CNTNAP2: variants seen among roughly 807,000 people sequenced by gnomAD.
The protein encoded by CNTNAP2 is contactin-associated protein-like 2.
Under a neutral mutation model 155.2 loss-of-function variants are expected in CNTNAP2, and 98 were observed. The observed-to-expected ratio is 0.63, with a 90% confidence interval of 0.54 to 0.75. The LOEUF (loss-of-function observed/expected upper bound fraction) is 0.75. Among genes scored for constraint, CNTNAP2 ranks in the 30% least tolerant of loss-of-function variants. The probability of loss-of-function intolerance (pLI) is 0.00; values close to 1 mark genes in which losing one functional copy is unlikely to be tolerated. For synonymous variants in CNTNAP2, 651 were observed against 631.2 expected (o/e 1.03, Z -0.47); for missense variants, 1,727 against 1,688.1 (o/e 1.02, Z -0.40).
intron 11 of CNTNAP2, among the ~76,000 whole-genome samples, chr7:147,559,443 G>A (rs911050952): frequency 2.0e-5 from 3 of 152,180 alleles, no homozygotes; most frequent in African/African-American, 7.2e-5. Context: ...TAACATAAAA[G>A]TGATGTTTCA....
chr7:146,839,788 A>G lies in CNTNAP2; in HGVS notation c.286A>G (p.Ser96Gly), dbSNP rs540745201. 1.5e-4 allele frequency: 244 copies of G among 1,614,204 alleles called. 3 individuals carry two copies. The South Asian group carries it at 2.5e-3, about 17-fold the overall frequency. Reference sequence around the variant, plus strand: ...TGACTTTGGCAATCGGAAGCAGATCAGTGCCATTGCAACCCAAGGAAGGTA... The same window carrying G: ...TGACTTTGGCAATCGGAAGCAGATCGGTGCCATTGCAACCCAAGGAAGGTA... ...QVDFGNRKQI[S>G]AIATQGRYSS... The change falls in exon 3 of 24, where the codon AGT becomes GGT. Residue 96 changes from serine (S) to glycine (G), a missense_variant. Coordinates refer to ENST00000361727, the MANE Select transcript of CNTNAP2 (RefSeq NM_014141.6).
chr7:148,140,421 C>CTTTT (rs750371666), intron 16 of CNTNAP2, among the ~76,000 whole-genome samples: 6 of 135,404 alleles, frequency 4.4e-5, no homozygotes, highest in African/African-American at 1.6e-4. Flanking sequence ...TTTTCTTTTT[C>CTTTT]TTTTTTTTTT....
At chr7:146,332,941 A>ATTTTTTTTTTTTTTTTTTTTTTTTTTTT (rs4016094) in intron 1 of CNTNAP2, among the ~76,000 whole-genome samples, 1 of 102,456 alleles carries the variant, frequency 9.8e-6, no homozygotes, top group African/African-American at 3.6e-5. Flanking sequence ...TTCTTCTTCT[A>ATTTTTTTTTTTTTTTTTTTTTTTTTTTT]TTTTTTTTTT....
intron 4 of CNTNAP2, among the ~76,000 whole-genome samples, chr7:147,047,255 A>C (rs543854752): frequency 1.4e-3 from 199 of 143,144 alleles, no homozygotes; most frequent in Non-Finnish European, 2.5e-3. Context: ...ACTACAGGTG[A>C]CCACCACCAC....
intron 2 of CNTNAP2, among the ~76,000 whole-genome samples, chr7:146,816,529 G>C (rs539375862): frequency 6.6e-6 from 1 of 152,182 alleles, no homozygotes; most frequent in African/African-American, 2.4e-5. Flanking sequence ...ACTGTAAAAT[G>C]TAATAGGAGT....
In CNTNAP2 at chr7:148,377,949, G is replaced by A. The variant is rs1196282972; in HGVS notation, c.3476-5700G>A. On this transcript the variant is annotated intron_variant, in intron 21 of 23. Transcript: ENST00000361727. Reference sequence around the variant, plus strand: ...TACTGAACTGTAGACTAATGTAAGTGTTCTGAGTATGTTTAAGGTAGGCTG... The same window carrying A: ...TACTGAACTGTAGACTAATGTAAGTATTCTGAGTATGTTTAAGGTAGGCTG... Among the ~76,000 whole-genome samples the A allele has an allele frequency of 7.3e-5, 5 of 68,378 alleles. 1 individual carries two copies. The highest frequency in any genetic ancestry group is 1.8e-4 in the African/African-American group (5 of 27,966). 44.9% of individuals were successfully genotyped at this position (68,378 alleles called of 152,430 possible).
intron 22 of CNTNAP2, among the ~76,000 whole-genome samples, chr7:148,393,411 C>T (rs1418749557): frequency 1.3e-5 from 2 of 152,186 alleles, no homozygotes; most frequent in Non-Finnish European, 2.9e-5. Context: ...TGTGCATTTT[C>T]CTGCAAAGAT....
chr7:147,821,307 G>T (rs1294494113), intron 13 of CNTNAP2, among the ~76,000 whole-genome samples: 1 of 152,002 alleles, frequency 6.6e-6, no homozygotes, highest in Admixed American at 6.6e-5. Flanking sequence ...ATGTTTTCTA[G>T]GTCCCATTAG....
At chr7:148,402,157 C>T (rs1799598983) in intron 22 of CNTNAP2, among the ~76,000 whole-genome samples, 1 of 146,406 alleles carries the variant, frequency 6.8e-6, no homozygotes, top group Non-Finnish European at 1.5e-5. Context: ...TCTCTTCACT[C>T]GACCTCTTTT....
chr7:146,293,180 T>A (rs1247539244), intron 1 of CNTNAP2, among the ~76,000 whole-genome samples: 1 of 152,074 alleles, frequency 6.6e-6, no homozygotes, highest in Non-Finnish European at 1.5e-5. Flanking sequence ...AATGAAACAG[T>A]GAAAAGTCTT....
intron 21 of CNTNAP2, among the ~76,000 whole-genome samples, chr7:148,275,172 A>T (rs954550714): frequency 4.6e-5 from 7 of 152,210 alleles, no homozygotes; most frequent in African/African-American, 1.7e-4. Context: ...AAGATAGGGG[A>T]TCATACAATG....
At chr7:146,352,328 A>G (rs1300940341) in intron 1 of CNTNAP2, among the ~76,000 whole-genome samples, 1 of 152,190 alleles carries the variant, frequency 6.6e-6, no homozygotes, top group African/African-American at 2.4e-5. Context: ...ATAGTCTTAG[A>G]TGGATCTTGC....
chr7:146,996,859 G>C (rs773562899), intron 3 of CNTNAP2, among the ~76,000 whole-genome samples: 12 of 152,044 alleles, frequency 7.9e-5, no homozygotes, highest in Non-Finnish European at 1.3e-4. Context: ...CCCGTGGGGA[G>C]ATAACGGAAT....
At position 147,211,205 on chromosome 7, in the gene CNTNAP2, C is replaced by T. The variant is rs140678383; in HGVS notation, c.1348+78696C>T. ...TTTCTTAGTTTTATTCCCTGATGATCTGTCTAATGCTGTCAGTGGGGTGTT... is the reference window on the plus strand; with the variant it reads ...TTTCTTAGTTTTATTCCCTGATGATTTGTCTAATGCTGTCAGTGGGGTGTT... On this transcript the variant is annotated intron_variant, in intron 8 of 23. Transcript: ENST00000361727. 5.3e-4 allele frequency among the ~76,000 whole-genome samples: 80 copies of T among 152,076 alleles called. No individual in the cohort carries two copies. In the East Asian group the frequency reaches 0.015, roughly 28 times the overall value.
chr7:147,177,925 T>A (rs1410161624), intron 8 of CNTNAP2, among the ~76,000 whole-genome samples: 3 of 152,084 alleles, frequency 2.0e-5, no homozygotes, highest in Non-Finnish European at 4.4e-5. Context: ...AAATTGAAAA[T>A]ACCTTACGTC....
chr7:146,773,874 T>A (rs1318525635), intron 1 of CNTNAP2, among the ~76,000 whole-genome samples: 1 of 152,154 alleles, frequency 6.6e-6, no homozygotes, highest in Non-Finnish European at 1.5e-5. Context: ...TTGGTAGGAG[T>A]CCTCTTTGTC....
chr7:146,159,136 A>C (rs954063966), intron 1 of CNTNAP2, among the ~76,000 whole-genome samples: 1 of 152,174 alleles, frequency 6.6e-6, no homozygotes, highest in African/African-American at 2.4e-5. Flanking sequence ...TATCCAGCCA[A>C]ACTAAGCTTC....
At chr7:146,936,373 T>A (rs1796914174) in intron 3 of CNTNAP2, among the ~76,000 whole-genome samples, 1 of 152,138 alleles carries the variant, frequency 6.6e-6, no homozygotes, top group Non-Finnish European at 1.5e-5. Flanking sequence ...GACGTTTCTG[T>A]ATAAGGAGGT....
At chr7:147,660,692 G>A (rs1318274868) in intron 13 of CNTNAP2, among the ~76,000 whole-genome samples, 1 of 152,128 alleles carries the variant, frequency 6.6e-6, no homozygotes. Flanking sequence ...TAACTTCTAT[G>A]AGAGGTTAAA....
Sources: gnomAD v4.1 joint callset for allele counts (sites outside exome capture counted in the v4.1 genomes callset) on GRCh38, gnomAD v4.1.1 for gene constraint, MANE v1.5 for transcripts, NCBI Gene and HGNC (gene_info 2026-07-23, HGNC 2026-07-21) for gene names.